Variants in PRKCSH observed in about 807,000 individuals in gnomAD.
PRKCSH encodes the protein PRKCSH beta subunit of glucosidase II, also known as glucosidase 2 subunit beta.
PRKCSH carries 42 observed loss-of-function variants against 79.7 expected under a neutral mutation model. The ratio of observed to expected loss-of-function variants is 0.53; its 90% confidence interval spans 0.41 to 0.68. PRKCSH has a LOEUF of 0.68. Among genes scored for constraint, PRKCSH ranks in the 30% least tolerant of loss-of-function variants. PRKCSH has a pLI of 0.00. For synonymous variants in PRKCSH, 325 were observed against 288.2 expected, an observed-to-expected ratio of 1.13 and a Z score of -1.29; for missense variants, 686 against 709.0, an observed-to-expected ratio of 0.97 and a Z score of 0.37.
In PRKCSH at chr19:11,449,993, G is replaced by GATA. The variant is rs1970527472; in HGVS notation, c.*16+565_*16+566insATA. 4 of 157,214 alleles carry GATA rather than the reference G, an allele frequency of 2.5e-5. No individual in the cohort carries two copies. The highest frequency in any genetic ancestry group is 2.4e-4 in the Admixed American group (4 of 16,746). 9.7% of individuals were successfully genotyped at this position (157,214 alleles called of 1,614,324 possible). On this transcript the variant is annotated intron_variant, in intron 17 of 17. Coordinates refer to ENST00000677123, the MANE Select transcript of PRKCSH (RefSeq NM_001289104.2). The surrounding 1 kb of genome is among the most constrained non-coding windows in gnomAD (Gnocchi z 6.4). ...CTGAGTAATTGGGACTACAGGCGCC[G>GATA]CCACCACGCCTGGCTAATTTTTTTG...
chr19:11,444,620 C>A (rs1271416408), intron 7 of PRKCSH, among the ~76,000 whole-genome samples: 2 of 152,180 alleles, frequency 1.3e-5, no homozygotes, highest in African/African-American at 2.4e-5. Flanking sequence ...TCCTGGTATA[C>A]AGTAGGAAGT....
intron 7 of PRKCSH, among the ~76,000 whole-genome samples, chr19:11,443,134 T>G (rs1362738389): frequency 6.6e-6 from 1 of 152,028 alleles, no homozygotes; most frequent in African/African-American, 2.4e-5. Flanking sequence ...TTTTTGTGGC[T>G]GGGCATGGTG....
chr19:11,443,075 A>G (rs936823208), intron 7 of PRKCSH, among the ~76,000 whole-genome samples: 4 of 151,820 alleles, frequency 2.6e-5, no homozygotes, highest in African/African-American at 7.3e-5. Flanking sequence ...TCCAGTGACC[A>G]TTTTTCCTAT....
In PRKCSH at chr19:11,436,197, G is replaced by C. The variant is rs1160514064; in HGVS notation, c.79+1G>C. 6.3e-7 allele frequency: 1 copy of C among 1,588,418 alleles called. No homozygotes were observed. Among genetic ancestry groups the C allele is most frequent in the Non-Finnish European group, 8.6e-7 (1 of 1,168,184 alleles). ...AGGCCCCGGGGCGTCTCCCTCACCA[G>C]TGAGTCCTCCTGTTCACCCTCCCGC... On this transcript the variant is annotated splice_donor_variant, in intron 2 of 17. Transcript: ENST00000677123. LOFTEE classifies it high-confidence loss of function.
chr19:11,447,109 CTCTTTCTACGACCGCGTCTGGGCCGCCA>C lies in PRKCSH; in HGVS notation c.801_828del (p.Phe268GlyfsTer21). 1.9e-6 allele frequency: 3 copies of C among 1,614,030 alleles called. No homozygotes were observed. Among genetic ancestry groups the C allele is most frequent in the Non-Finnish European group, 2.5e-6 (3 of 1,179,918 alleles). ...GTGGGGACACACAGACAGACGCCAC[CTCTTTCTACGACCGCGTCTGGGCCGCCA>C]TCAGGGACAAGTACCGGTCCGAGGT... On this transcript the variant is annotated frameshift_variant, in exon 10 of 18. Transcript: ENST00000677123. LOFTEE classifies it high-confidence loss of function. This position sits in a 1 kb window ranked among gnomAD's most constrained non-coding sequence, Gnocchi z 5.6.
chr19:11,449,489 G>A lies in PRKCSH; in HGVS notation c.*16+61G>A. ...AGCAAGGGGAGGCGGCGGGCCCTGA[G>A]GAAGATGGACCCACATGGCCACTCT... On this transcript the variant is annotated intron_variant, in intron 17 of 17. Transcript: ENST00000677123. The surrounding 1 kb of genome is among the most constrained non-coding windows in gnomAD (Gnocchi z 6.4). 2 of 1,605,438 alleles carry A rather than the reference G, an allele frequency of 1.2e-6. No individual in the cohort carries two copies. Among genetic ancestry groups the A allele is most frequent in the African/African-American group, 1.3e-5 (1 of 74,878 alleles).
rs1970427927 is a variant in PRKCSH at position 11,448,431 on chromosome 19, G to A, written c.1197-109G>A. 3.4e-6 allele frequency: 5 copies of A among 1,456,962 alleles called. No individual in the cohort carries two copies. Among genetic ancestry groups the A allele is most frequent in the Non-Finnish European group, 3.8e-6 (4 of 1,045,208 alleles). 90.3% of individuals were successfully genotyped at this position (1,456,962 alleles called of 1,614,324 possible). On this transcript the variant is annotated intron_variant, in intron 13 of 17. Transcript: ENST00000677123. This position sits in a 1 kb window ranked among gnomAD's most constrained non-coding sequence, Gnocchi z 4.4. ...AGGGAGGGTCCCTGGGAGGTGGCAG[G>A]GAGGACAGCCTGGGCACCATTGCTC...
Position 11,448,588 on chromosome 19 carries a change from T to C in PRKCSH, c.1245T>C (p.Phe415=). Residue 415 remains phenylalanine, a synonymous_variant, in exon 14 of 18, where the codon TTT becomes TTC. Transcript: ENST00000677123. This position sits in a 1 kb window ranked among gnomAD's most constrained non-coding sequence, Gnocchi z 4.4. ...ISFDFGPNGE[F]AYLYSQCYEL... ...TTGACTTTGGCCCCAACGGGGAGTT[T>C]GCTTACCTGTACAGCCAGTGCTACG... 2 of 1,614,240 alleles carry C rather than the reference T, an allele frequency of 1.2e-6. No individual in the cohort carries two copies. The highest frequency in any genetic ancestry group is 1.1e-5 in the South Asian group (1 of 91,090).
rs1427648145 is a variant in PRKCSH at position 11,445,548 on chromosome 19, A to G, written c.683+75A>G. ...CCCTCCCCGCCACCCTCGCCTCTAG[A>G]AACCAGCCAGATCCTCCTTGGGTTC... On this transcript the variant is annotated intron_variant, in intron 8 of 17. Transcript: ENST00000677123. 2.1e-6 allele frequency: 3 copies of G among 1,444,346 alleles called. No homozygotes were observed. The African/African-American group carries it at 4.2e-5, about 20-fold the overall frequency. The allele number at this position is 1,444,346 out of a possible 1,614,324, so 89.5% of individuals were successfully genotyped here. A position where few individuals can be genotyped will look rare whatever the true frequency, so the allele number is the denominator to read the frequency against.
chr19:11,449,439 A>G lies in PRKCSH; in HGVS notation c.*16+11A>G. 6 of 1,612,438 alleles carry G rather than the reference A, an allele frequency of 3.7e-6. No individual in the cohort carries two copies. Among genetic ancestry groups the G allele is most frequent in the Non-Finnish European group, 3.4e-6 (4 of 1,179,754 alleles). On this transcript the variant is annotated intron_variant, in intron 17 of 17. Transcript: ENST00000677123. The surrounding 1 kb of genome is among the most constrained non-coding windows in gnomAD (Gnocchi z 6.4). ...TGGATGGGCGCAGAGGTGGGCGGGG[A>G]GGTGGAGTCTCGTCGGCCTGCCCCA...
At chr19:11,439,248 G>T (rs1174394027) in intron 5 of PRKCSH, among the ~76,000 whole-genome samples, 1 of 151,990 alleles carries the variant, frequency 6.6e-6, no homozygotes, top group Non-Finnish European at 1.5e-5. Flanking sequence ...AAACCTTGTT[G>T]CGACCTTGGC....
Position 11,449,796 on chromosome 19 carries a change from A to G in PRKCSH, c.*16+368A>G, listed in dbSNP as rs1162026834. 5 of 289,606 alleles carry G rather than the reference A, an allele frequency of 1.7e-5. No individual in the cohort carries two copies. The highest frequency in any genetic ancestry group is 2.7e-5 in the Non-Finnish European group (4 of 148,308). 17.9% of individuals were successfully genotyped at this position (289,606 alleles called of 1,614,324 possible). A position where few individuals can be genotyped will look rare whatever the true frequency, so the allele number is the denominator to read the frequency against. ...ATGATCCACCTGCCTTGGCCTCCCAAAGTGCTGGGATTACAGGCATGAGCC... is the reference window on the plus strand; with the variant it reads ...ATGATCCACCTGCCTTGGCCTCCCAGAGTGCTGGGATTACAGGCATGAGCC... On this transcript the variant is annotated intron_variant, in intron 17 of 17. Transcript: ENST00000677123. This position sits in a 1 kb window ranked among gnomAD's most constrained non-coding sequence, Gnocchi z 6.4.
At chr19:11,437,815 G>A (rs755567703) in intron 3 of PRKCSH, 61 bp from the exon 4 acceptor site, 157 of 1,398,806 alleles carry the variant, frequency 1.1e-4, no homozygotes, top group Non-Finnish European at 1.5e-4. Context: ...ATCTGTGGAT[G>A]GATGGGACAT....
chr19:11,438,413 G>A (rs187350498), intron 5 of PRKCSH, among the ~76,000 whole-genome samples: 1 of 152,100 alleles, frequency 6.6e-6, no homozygotes, highest in Non-Finnish European at 1.5e-5. Context: ...CCATTGTCAC[G>A]CTCTGCAGCA....
At position 11,447,157 on chromosome 19, in the gene PRKCSH, C is replaced by T. The variant is rs764193417; in HGVS notation, c.846C>T (p.Ser282=). The T allele has an allele frequency of 2.2e-5, 35 of 1,613,860 alleles. No homozygotes were observed. The highest frequency in any genetic ancestry group is 3.3e-4 in the Middle Eastern group (2 of 6,062). ...CCGCCATCAGGGACAAGTACCGGTC[C>T]GAGGTCAGTGGAGGAGAAGGGAGGG... The part of the protein sequence containing the change: ...VWAAIRDKYR[S]EALPTDLPAP... Residue 282 remains serine (S), a synonymous_variant, in exon 10 of 18, where the codon TCC becomes TCT. Transcript: ENST00000677123. The surrounding 1 kb of genome is among the most constrained non-coding windows in gnomAD (Gnocchi z 5.6).
Position 11,447,896 on chromosome 19 carries a change from A to G in PRKCSH, c.1126+107A>G. The G allele has an allele frequency of 7.7e-7, 1 of 1,292,822 alleles. No homozygotes were observed. The highest frequency in any genetic ancestry group is 1.1e-6 in the Non-Finnish European group (1 of 950,860). 80.1% of individuals were successfully genotyped at this position (1,292,822 alleles called of 1,614,324 possible). On this transcript the variant is annotated intron_variant, in intron 12 of 17. Transcript: ENST00000677123. This position sits in a 1 kb window ranked among gnomAD's most constrained non-coding sequence, Gnocchi z 5.6. Reference sequence around the variant, plus strand: ...GCTTAGACCCTGCTCTGACTCGGCCAGCACAAGCCCCAGTATCTTGGGGAG... The same window carrying G: ...GCTTAGACCCTGCTCTGACTCGGCCGGCACAAGCCCCAGTATCTTGGGGAG...
At position 11,436,046 on chromosome 19, in the gene PRKCSH, A is replaced by C; in HGVS notation, c.-72A>C. The C allele has an allele frequency of 6.3e-7, 1 of 1,578,062 alleles. No individual in the cohort carries two copies. Among genetic ancestry groups the C allele is most frequent in the Non-Finnish European group, 8.6e-7 (1 of 1,159,788 alleles). On this transcript the variant is annotated 5_prime_UTR_variant, in exon 2 of 18. Transcript: ENST00000677123. The stretch of plus-strand genomic sequence containing the variant: ...GATCCGCTTTCTTCCTGCAGCGTGA[A>C]GACACAGCGCATCTCCCCGCTGTAG...
intron 3 of PRKCSH, chr19:11,436,864 G>A: frequency 2.9e-6 from 1 of 344,594 alleles, no homozygotes; most frequent in African/African-American, 2.1e-5. Flanking sequence ...TTTTGTTTTT[G>A]TGTGTTTTGA....
chr19:11,438,765 CAA>C (rs543509035), intron 5 of PRKCSH, among the ~76,000 whole-genome samples: 4 of 88,360 alleles, frequency 4.5e-5, no homozygotes, highest in Non-Finnish European at 2.4e-5. Context: ...AAAAAAAAAG[CAA>C]AAAAAAAAAA....
Sources: gnomAD v4.1 joint callset for allele counts (sites outside exome capture counted in the v4.1 genomes callset) on GRCh38, gnomAD v4.1.1 for gene constraint, Gnocchi (gnomAD v3.1) non-coding constraint, MANE v1.5 for transcripts, NCBI Gene and HGNC (gene_info 2026-07-23, HGNC 2026-07-21) for gene names.